PARM1: variants seen among roughly 807,000 people sequenced by gnomAD.
PARM1 encodes WSC4, cell wall integrity and stress response component 4 homolog.
Under a neutral mutation model 24.6 loss-of-function variants are expected in PARM1, and 14 were observed. The observed-to-expected ratio is 0.57, with a 90% CI of 0.38 to 0.89. The LOEUF (loss-of-function observed/expected upper bound fraction) is 0.89, where lower values mean the gene tolerates loss of function less well. PARM1 is among the 40% of genes least tolerant of loss of function. The probability of loss-of-function intolerance (pLI) is 0.00; values close to 1 mark genes in which losing one functional copy is unlikely to be tolerated. For missense variants in PARM1, 362 were observed against 380.4 expected, an observed-to-expected ratio of 0.95 and a Z score of 0.40; for synonymous variants, 179 against 156.6, an observed-to-expected ratio of 1.14 and a Z score of -1.07.
At chr4:74,966,283 T>A (rs978358315) in intron 1 of PARM1, among the ~76,000 whole-genome samples, 28 of 152,174 alleles carry the variant, frequency 1.8e-4, no homozygotes, top group African/African-American at 6.0e-4. Context: ...TTCAGGACTA[T>A]TGCAATATGT....
chr4:74,985,029 A>T lies in PARM1; in HGVS notation c.44-27396A>T, dbSNP rs1215479260. 2.0e-5 allele frequency among the ~76,000 whole-genome samples: 3 copies of T among 152,336 alleles called. No homozygotes were observed. In the East Asian group the frequency reaches 5.8e-4, roughly 29 times the overall value. Reference sequence around the variant, plus strand: ...AGGCTGGCTTTCCACAGCCCCATAGATTCCAAAAGTAGACAATGAGATTCA... The same window carrying T: ...AGGCTGGCTTTCCACAGCCCCATAGTTTCCAAAAGTAGACAATGAGATTCA... On this transcript the variant is annotated intron_variant, in intron 1 of 3. Coordinates refer to ENST00000307428, the MANE Select transcript of PARM1 (RefSeq NM_015393.4).
At chr4:74,952,989 C>A (rs966669967) in intron 1 of PARM1, among the ~76,000 whole-genome samples, 1 of 152,124 alleles carries the variant, frequency 6.6e-6, no homozygotes, top group Non-Finnish European at 1.5e-5. Flanking sequence ...TAGATTAATA[C>A]ATTTTCTGGA....
intron 1 of PARM1, among the ~76,000 whole-genome samples, chr4:74,951,477 G>T (rs531477143): frequency 1.3e-5 from 2 of 152,014 alleles, no homozygotes; most frequent in Non-Finnish European, 1.5e-5. Context: ...TCTGGGGTAC[G>T]TATGCAGAAC....
intron 1 of PARM1, among the ~76,000 whole-genome samples, chr4:74,974,714 A>G (rs568304832): frequency 7.2e-5 from 11 of 152,334 alleles, no homozygotes; most frequent in African/African-American, 2.4e-4. Flanking sequence ...AAATTCAGAT[A>G]TTGAAGCCCT....
At chr4:75,037,081 G>A (rs1396534769) in intron 3 of PARM1, among the ~76,000 whole-genome samples, 3 of 152,128 alleles carry the variant, frequency 2.0e-5, no homozygotes, top group Non-Finnish European at 2.9e-5. Flanking sequence ...CCAGGTTGTC[G>A]GAAAGCCCCA....
intron 1 of PARM1, among the ~76,000 whole-genome samples, chr4:74,955,122 A>G (rs894565543): frequency 4.6e-5 from 7 of 152,216 alleles, no homozygotes; most frequent in South Asian, 2.1e-4. Context: ...TAAGATATGC[A>G]TAAGTTTATT....
intron 1 of PARM1, among the ~76,000 whole-genome samples, chr4:74,948,091 G>A (rs1431643367): frequency 6.6e-6 from 1 of 152,142 alleles, no homozygotes; most frequent in Non-Finnish European, 1.5e-5. Context: ...CCAACCAAAA[G>A]TCTCTTCATT....
At chr4:74,969,145 A>T (rs2109993681) in intron 1 of PARM1, among the ~76,000 whole-genome samples, 1 of 152,254 alleles carries the variant, frequency 6.6e-6, no homozygotes, top group Admixed American at 6.5e-5. Context: ...CCTGGCAATG[A>T]GGGAGAGGGT....
intron 1 of PARM1, among the ~76,000 whole-genome samples, chr4:74,948,315 T>A (rs1721446074): frequency 6.6e-6 from 1 of 152,186 alleles, no homozygotes; most frequent in Admixed American, 6.5e-5. Flanking sequence ...TGAAAGAACT[T>A]AACTAAAAAT....
intron 2 of PARM1, among the ~76,000 whole-genome samples, chr4:75,027,379 G>A (rs961506160): frequency 6.6e-6 from 1 of 152,070 alleles, no homozygotes; most frequent in Admixed American, 6.5e-5. Flanking sequence ...GAGACGAGAT[G>A]TGCTTCCCCT....
At chr4:75,008,496 T>C (rs2109791609) in intron 1 of PARM1, among the ~76,000 whole-genome samples, 1 of 152,360 alleles carries the variant, frequency 6.6e-6, no homozygotes, top group Non-Finnish European at 1.5e-5. Flanking sequence ...CAAGTGTCAT[T>C]CTGAACATCA....
chr4:75,017,402 T>G (rs1484393952), intron 2 of PARM1, among the ~76,000 whole-genome samples: 1 of 152,184 alleles, frequency 6.6e-6, no homozygotes, highest in African/African-American at 2.4e-5. Flanking sequence ...ACACTGGAGA[T>G]ACTCCTGTCT....
intron 1 of PARM1, among the ~76,000 whole-genome samples, chr4:74,979,442 C>G (rs573241478): frequency 6.6e-6 from 1 of 152,190 alleles, no homozygotes; most frequent in South Asian, 2.1e-4. Flanking sequence ...AGACCAATAA[C>G]CAGCTGTGAA....
At chr4:75,044,795 T>C (rs1355876880) in intron 3 of PARM1, among the ~76,000 whole-genome samples, 2 of 152,102 alleles carry the variant, frequency 1.3e-5, no homozygotes, top group Non-Finnish European at 2.9e-5. Context: ...TGGGGAAGCC[T>C]CAAAATCATG....
At chr4:75,001,272 C>T (rs1403563337) in intron 1 of PARM1, among the ~76,000 whole-genome samples, 1 of 152,164 alleles carries the variant, frequency 6.6e-6, no homozygotes. Context: ...TATATTCATA[C>T]AACCAAGTAC....
chr4:75,038,126 AGG>A (rs1723408476), intron 3 of PARM1, among the ~76,000 whole-genome samples: 1 of 152,160 alleles, frequency 6.6e-6, no homozygotes, highest in African/African-American at 2.4e-5. Flanking sequence ...CATGTTGACC[AGG>A]GTGGTCTCGC....
At chr4:75,020,009 C>CAAAAAAAAA (rs1161399344) in intron 2 of PARM1, among the ~76,000 whole-genome samples, 4 of 31,040 alleles carry the variant, frequency 1.3e-4, no homozygotes, top group Non-Finnish European at 4.5e-4. Flanking sequence ...GACTCCGTCT[C>CAAAAAAAAA]AAAAAAAAAA....
chr4:75,000,791 A>T (rs1314204545), intron 1 of PARM1, among the ~76,000 whole-genome samples: 1 of 152,202 alleles, frequency 6.6e-6, no homozygotes, highest in African/African-American at 2.4e-5. Flanking sequence ...TATTTATTTA[A>T]TTCTTAAAAT....
At chr4:74,942,423 A>AAGTCAGT (rs1721328978) in intron 1 of PARM1, among the ~76,000 whole-genome samples, 2 of 152,266 alleles carry the variant, frequency 1.3e-5, no homozygotes, top group South Asian at 4.1e-4. Context: ...AGTCAAAGGG[A>AAGTCAGT]AGTCAGTAGT....
Sources: allele counts gnomAD v4.1 joint callset (sites outside exome capture counted in the v4.1 genomes callset), GRCh38; gene constraint gnomAD v4.1.1; transcripts MANE v1.5; gene names NCBI Gene and HGNC (gene_info 2026-07-23, HGNC 2026-07-21).